NAA11: variants seen among roughly 807,000 people sequenced by gnomAD.
NAA11 encodes the protein N-alpha-acetyltransferase 11.
NAA11 carries 15 observed loss-of-function variants against 16.1 expected under a neutral mutation model. The observed-to-expected ratio is 0.93, with a 90% CI of 0.62 to 1.44. The LOEUF (loss-of-function observed/expected upper bound fraction) is 1.44. Ranked by LOEUF, NAA11 falls within the 40% of genes most tolerant of loss-of-function variation. The pLI is 0.00. For synonymous variants in NAA11, 122 were observed against 112.4 expected (o/e 1.09, Z -0.54); for missense variants, 298 against 291.3 (o/e 1.02, Z -0.17).
At chr4:79,207,491 C>T in the NAA11 span, among the ~76,000 whole-genome samples, 1 of 151,742 alleles carries the variant, frequency 6.6e-6, no homozygotes, top group African/African-American at 2.4e-5. Flanking sequence ...TGCAAGCACA[C>T]AGCAAGAAGT....
At chr4:79,200,157 G>A in the NAA11 span, among the ~76,000 whole-genome samples, 35 of 151,970 alleles carry the variant, frequency 2.3e-4, 1 homozygote, top group Non-Finnish European at 4.4e-4. Flanking sequence ...TTTACTAGTT[G>A]TGTGACCTGG....
intron 2 of NAA11, among the ~76,000 whole-genome samples, chr4:79,287,865 G>A (rs1722981620): frequency 6.6e-6 from 1 of 152,094 alleles, no homozygotes; most frequent in African/African-American, 2.4e-5. Flanking sequence ...TTATAATTTG[G>A]TAAATTGTTA....
intron 2 of NAA11, among the ~76,000 whole-genome samples, chr4:79,280,681 CTG>C (rs1722765708): frequency 6.6e-6 from 1 of 151,820 alleles, no homozygotes; most frequent in Non-Finnish European, 1.5e-5. Context: ...TCAGGAAACT[CTG>C]TGGAGTTTGA....
At chr4:79,291,187 TG>T (rs1480872554) in intron 2 of NAA11, among the ~76,000 whole-genome samples, 1 of 152,108 alleles carries the variant, frequency 6.6e-6, no homozygotes, top group Admixed American at 6.6e-5. Context: ...CTGGGCCAGG[TG>T]CAGTGGTTTA....
At chr4:79,201,554 T>C in the NAA11 span, among the ~76,000 whole-genome samples, 1 of 151,748 alleles carries the variant, frequency 6.6e-6, no homozygotes, top group South Asian at 2.1e-4. Flanking sequence ...GAGCTCTTTT[T>C]ATATTAATGG....
downstream of NAA11, among the ~76,000 whole-genome samples, chr4:79,313,507 G>A (rs1480001849): frequency 1.3e-5 from 2 of 152,170 alleles, no homozygotes; most frequent in African/African-American, 4.8e-5. Flanking sequence ...ATGCAGTTGA[G>A]GTGATGACAC....
chr4:79,261,944 T>C (rs1722250876), intron 2 of NAA11, among the ~76,000 whole-genome samples: 1 of 152,192 alleles, frequency 6.6e-6, no homozygotes, highest in Non-Finnish European at 1.5e-5. Context: ...GTCTATAATC[T>C]AGTGTTTCCC....
the NAA11 span, among the ~76,000 whole-genome samples, chr4:79,163,792 G>A: frequency 6.6e-6 from 1 of 152,102 alleles, no homozygotes; most frequent in Non-Finnish European, 1.5e-5. Context: ...TTCTGTCAGG[G>A]GTTTGCAGGA....
chr4:79,315,195 G>GA (rs987512260), downstream of NAA11, among the ~76,000 whole-genome samples: 347 of 143,084 alleles, frequency 2.4e-3, 1 homozygote, highest in African/African-American at 5.4e-3. Context: ...CAGACATACT[G>GA]AAAAAAAAAA....
chr4:79,285,782 C>T (rs1722893912), intron 2 of NAA11, among the ~76,000 whole-genome samples: 1 of 151,988 alleles, frequency 6.6e-6, no homozygotes, highest in Non-Finnish European at 1.5e-5. Context: ...ATTTCTGTCT[C>T]ATGACTATAG....
At chr4:79,303,073 CTT>C (rs1158001282) in intron 1 of NAA11, among the ~76,000 whole-genome samples, 7 of 67,996 alleles carry the variant, frequency 1.0e-4, no homozygotes, top group Admixed American at 6.8e-4. Context: ...CTCTTGAGGC[CTT>C]TTATATATAT....
chr4:79,319,805 C>T (rs946313653), intron 1 of NAA11, among the ~76,000 whole-genome samples: 3 of 152,184 alleles, frequency 2.0e-5, no homozygotes, highest in Admixed American at 1.3e-4. Context: ...GGTTATACTA[C>T]GAATTTACCA....
chr4:79,273,662 A>G (rs1019530612), intron 2 of NAA11, among the ~76,000 whole-genome samples: 5 of 152,016 alleles, frequency 3.3e-5, no homozygotes, highest in African/African-American at 1.2e-4. Context: ...CATTTTGGGG[A>G]TTGTATCCAA....
At chr4:79,238,674 C>A (rs992774138) in intron 2 of NAA11, among the ~76,000 whole-genome samples, 1 of 152,054 alleles carries the variant, frequency 6.6e-6, no homozygotes, top group Non-Finnish European at 1.5e-5. Context: ...AAAAGGAACA[C>A]AAATAAAAAA....
downstream of NAA11, among the ~76,000 whole-genome samples, chr4:79,315,622 C>T (rs191190313): frequency 3.3e-5 from 5 of 152,226 alleles, no homozygotes; most frequent in East Asian, 9.6e-4. Flanking sequence ...TCCCTCCTTG[C>T]TTCAAAGCCT....
At chr4:79,157,482 T>C in the NAA11 span, among the ~76,000 whole-genome samples, 1 of 151,946 alleles carries the variant, frequency 6.6e-6, no homozygotes, top group Non-Finnish European at 1.5e-5. Context: ...TATGATGGAA[T>C]ATATATATAC....
intron 2 of NAA11, among the ~76,000 whole-genome samples, chr4:79,273,587 A>G (rs1047984324): frequency 1.3e-5 from 2 of 151,990 alleles, no homozygotes; most frequent in African/African-American, 4.8e-5. Context: ...ATGTGTTTTA[A>G]TATTTGTCTT....
intron 2 of NAA11, among the ~76,000 whole-genome samples, chr4:79,251,603 G>A (rs745930524): frequency 4.0e-5 from 6 of 150,674 alleles, no homozygotes; most frequent in Non-Finnish European, 7.4e-5. Flanking sequence ...TAACAAACCC[G>A]CCATGTACCC....
chr4:79,231,075 A>G (rs1321270590), intron 2 of NAA11, among the ~76,000 whole-genome samples: 1 of 152,022 alleles, frequency 6.6e-6, no homozygotes, highest in Non-Finnish European at 1.5e-5. Flanking sequence ...TACAATGCCT[A>G]TACATATTAA....
Sources: gnomAD v4.1 joint callset for allele counts (sites outside exome capture counted in the v4.1 genomes callset) on GRCh38, gnomAD v4.1.1 for gene constraint, MANE v1.5 for transcripts, NCBI Gene and HGNC (gene_info 2026-07-23, HGNC 2026-07-21) for gene names.